The following DRC10 variants were observed in gnomAD, a reference collection of about 807,000 sequenced individuals.
DRC10 encodes the protein IQ domain-containing protein D.
At chr12:113,195,462 T>G in the DRC10 span, 1 of 1,433,310 alleles carries the variant, frequency 7.0e-7, no homozygotes, top group Non-Finnish European at 9.2e-7. Flanking sequence ...TTCAAATACT[T>G]TTTAATTTAT....
At chr12:113,206,809 C>G in the DRC10 span, among the ~76,000 whole-genome samples, 1 of 151,600 alleles carries the variant, frequency 6.6e-6, no homozygotes, top group Non-Finnish European at 1.5e-5. Context: ...CCTGTAACCC[C>G]AGCACTTTGG....
chr12:113,199,648 A>G, the DRC10 span, among the ~76,000 whole-genome samples: 2 of 152,026 alleles, frequency 1.3e-5, no homozygotes, highest in Non-Finnish European at 2.9e-5. Context: ...AAGGAAAGAG[A>G]TTTGGAAGTT....
chr12:113,220,876 C>A, the DRC10 span: 2 of 265,166 alleles, frequency 7.5e-6, no homozygotes, highest in Non-Finnish European at 1.6e-5. Context: ...GGGACAGGGT[C>A]CTGAAGCTGA....
At chr12:113,198,029 C>G in the DRC10 span, among the ~76,000 whole-genome samples, 4 of 152,146 alleles carry the variant, frequency 2.6e-5, no homozygotes, top group Non-Finnish European at 4.4e-5. Context: ...CCAGCCTGGC[C>G]AACATGCCAA....
At chr12:113,197,741 T>C in the DRC10 span, 1 of 659,268 alleles carries the variant, frequency 1.5e-6, no homozygotes, top group South Asian at 1.7e-5. Context: ...GAGGTTCCCT[T>C]TTCTCCATTT....
chr12:113,214,708 C>A, the DRC10 span, among the ~76,000 whole-genome samples: 1 of 152,026 alleles, frequency 6.6e-6, no homozygotes, highest in Non-Finnish European at 1.5e-5. Context: ...CATGATAGAA[C>A]TGTAGGCCAA....
chr12:113,203,189 C>T, the DRC10 span: 1 of 328,392 alleles, frequency 3.0e-6, no homozygotes, highest in African/African-American at 2.2e-5. Context: ...CCACGCCCAG[C>T]TAATTTTGTC....
chr12:113,207,960 C>G, the DRC10 span: 1 of 1,614,096 alleles, frequency 6.2e-7, no homozygotes, highest in African/African-American at 1.3e-5. Flanking sequence ...CCACATACGA[C>G]AGCAAGGTCA....
chr12:113,211,926 A>T, the DRC10 span, among the ~76,000 whole-genome samples: 1 of 151,968 alleles, frequency 6.6e-6, no homozygotes, highest in Non-Finnish European at 1.5e-5. Flanking sequence ...TTAGCCTGTC[A>T]TGGTGGCAGG....
the DRC10 span, chr12:113,208,449 GTGT>G: frequency 1.2e-6 from 1 of 859,484 alleles, no homozygotes; most frequent in South Asian, 2.8e-5. Flanking sequence ...GGAAGACCAA[GTGT>G]GGAGGCATCT....
chr12:113,205,222 A>AT, the DRC10 span, among the ~76,000 whole-genome samples: 69 of 148,534 alleles, frequency 4.6e-4, no homozygotes, highest in Middle Eastern at 3.4e-3. Flanking sequence ...GAGTAAATGA[A>AT]TTTTTTTTTA....
chr12:113,200,544 G>A, the DRC10 span: 65 of 1,417,866 alleles, frequency 4.6e-5, no homozygotes, highest in Non-Finnish European at 6.0e-5. Context: ...CCCACCAGGG[G>A]CCCCCTCGGC....
the DRC10 span, chr12:113,207,651 C>G: frequency 1.2e-6 from 2 of 1,614,136 alleles, no homozygotes; most frequent in East Asian, 4.5e-5. Flanking sequence ...TACCCTGTGT[C>G]TGCATCTGCA....
chr12:113,217,579 T>C, the DRC10 span, among the ~76,000 whole-genome samples: 143 of 152,374 alleles, frequency 9.4e-4, 4 homozygotes, highest in South Asian at 0.029. Flanking sequence ...TCGCCCAGGC[T>C]GGAGTGCAGT....
the DRC10 span, among the ~76,000 whole-genome samples, chr12:113,212,016 G>A: frequency 2.0e-5 from 3 of 151,794 alleles, no homozygotes; most frequent in Non-Finnish European, 4.4e-5. Context: ...AGTGAGCCAT[G>A]ATCGCACCAC....
chr12:113,212,007 G>A, the DRC10 span, among the ~76,000 whole-genome samples: 1 of 151,942 alleles, frequency 6.6e-6, no homozygotes, highest in African/African-American at 2.4e-5. Flanking sequence ...TGAGGCTACA[G>A]TGAGCCATGA....
chr12:113,213,176 TAAAAAAAAAAA>T, the DRC10 span, among the ~76,000 whole-genome samples: 1 of 63,572 alleles, frequency 1.6e-5, no homozygotes, highest in Non-Finnish European at 2.9e-5. Flanking sequence ...CAGAGGGTGC[TAAAAAAAAAAA>T]AAAAAAAAAA....
the DRC10 span, chr12:113,207,362 T>C: frequency 7.4e-6 from 9 of 1,219,332 alleles, no homozygotes; most frequent in East Asian, 1.9e-4. Context: ...AAAAAATCAA[T>C]CATTGAGGAA....
At chr12:113,206,476 T>C in the DRC10 span, among the ~76,000 whole-genome samples, 2 of 152,078 alleles carry the variant, frequency 1.3e-5, no homozygotes, top group African/African-American at 4.8e-5. Flanking sequence ...GAATGTGAGG[T>C]CCTGTTCCAG....
Sources: allele counts gnomAD v4.1 joint callset (sites outside exome capture counted in the v4.1 genomes callset), GRCh38; gene constraint gnomAD v4.1.1; transcripts MANE v1.5; gene names NCBI Gene and HGNC (gene_info 2026-07-23, HGNC 2026-07-21).